The following SNTG1 variants were observed in gnomAD, a reference collection of about 807,000 sequenced individuals.
SNTG1 encodes the protein syntrophin gamma 1.
In SNTG1, 39 loss-of-function variants were observed where a neutral mutation model predicts 74.7. That is an observed-to-expected ratio of 0.52 (90% confidence interval 0.40 to 0.68). The LOEUF is 0.68. Ranked by LOEUF, SNTG1 falls within the 30% of genes least tolerant of loss-of-function variation. SNTG1 has a pLI of 0.00. For synonymous variants in SNTG1, 254 were observed against 217.1 expected (o/e 1.17, Z -1.49); for missense variants, 685 against 609.5 (o/e 1.12, Z -1.30).
chr8:49,928,182 A>AATAAATAT (rs1328680888), intron 1 of SNTG1, among the ~76,000 whole-genome samples: 7 of 142,810 alleles, frequency 4.9e-5, no homozygotes, highest in Admixed American at 2.8e-4. Flanking sequence ...TAAATAAATA[A>AATAAATAT]AAATAAAAAA....
At chr8:50,681,384 C>T (rs746532844) in intron 15 of SNTG1, among the ~76,000 whole-genome samples, 1 of 151,882 alleles carries the variant, frequency 6.6e-6, no homozygotes, top group Non-Finnish European at 1.5e-5. Context: ...TGAGATACAC[C>T]ATGCTCAATC....
chr8:49,924,344 A>G lies in SNTG1; in HGVS notation c.-103+12113A>G, dbSNP rs1175390743. ...CACTTGCTTTGCTGGCATTACCACAACTAAATTTCAATGTCAGGTGGTCAG... is the reference window on the plus strand; with the variant it reads ...CACTTGCTTTGCTGGCATTACCACAGCTAAATTTCAATGTCAGGTGGTCAG... On this transcript the variant is annotated intron_variant, in intron 1 of 18. Transcript: ENST00000642720. Among the ~76,000 whole-genome samples the G allele has an allele frequency of 2.0e-5, 3 of 152,232 alleles. No homozygotes were observed. The East Asian group carries it at 5.8e-4, about 29-fold the overall frequency.
chr8:50,693,499 A>T (rs1285042312), intron 15 of SNTG1, among the ~76,000 whole-genome samples: 1 of 152,206 alleles, frequency 6.6e-6, no homozygotes, highest in Non-Finnish European at 1.5e-5. Context: ...AAAGGACCTG[A>T]AAAGAGAAAT....
At chr8:50,330,467 G>T (rs769383691) in intron 2 of SNTG1, among the ~76,000 whole-genome samples, 50 of 152,130 alleles carry the variant, frequency 3.3e-4, no homozygotes, top group Non-Finnish European at 5.6e-4. Context: ...TCTCTAGAAA[G>T]TTTCAAACTT....
intron 2 of SNTG1, among the ~76,000 whole-genome samples, chr8:50,331,492 A>T (rs2090965954): frequency 1.3e-5 from 2 of 152,198 alleles, no homozygotes; most frequent in Admixed American, 6.5e-5. Context: ...CAAACAAGAG[A>T]AGAAATCCTG....
intron 2 of SNTG1, among the ~76,000 whole-genome samples, chr8:50,253,684 CACAT>C (rs1483207347): frequency 1.3e-5 from 2 of 151,406 alleles, no homozygotes; most frequent in Non-Finnish European, 2.9e-5. Context: ...TATACACACA[CACAT>C]ATATAAATAC....
At chr8:50,094,502 C>T (rs913259852) in intron 1 of SNTG1, among the ~76,000 whole-genome samples, 3 of 151,672 alleles carry the variant, frequency 2.0e-5, no homozygotes, top group Non-Finnish European at 4.4e-5. Context: ...AACAAACAAC[C>T]CTATTAAAAA....
Position 50,334,142 on chromosome 8 carries a change from C to T in SNTG1, c.-27-60070C>T, listed in dbSNP as rs181072467. ...GAACTCCTGACCTCAGGTATTCTGC[C>T]CTCCTCGGCCTCCCAAAGTGCCGGG... On this transcript the variant is annotated intron_variant, in intron 2 of 18. Transcript: ENST00000642720. Among the ~76,000 whole-genome samples the T allele has an allele frequency of 1.8e-3, 281 of 152,250 alleles. 2 individuals are homozygous for T. The highest frequency in any genetic ancestry group is 3.4e-3 in the Middle Eastern group (1 of 294).
chr8:50,487,696 A>C (rs868208860), intron 8 of SNTG1, among the ~76,000 whole-genome samples: 2,641 of 140,594 alleles, frequency 0.019, 98 homozygotes, highest in African/African-American at 0.068. Context: ...GTGGGGTCGG[A>C]GGGGGGGGAG....
At chr8:50,714,104 T>C (rs1284117300) in intron 17 of SNTG1, among the ~76,000 whole-genome samples, 1 of 151,758 alleles carries the variant, frequency 6.6e-6, no homozygotes, top group African/African-American at 2.4e-5. Context: ...CCTTTTCTTA[T>C]TGCTTGTTTT....
At chr8:50,248,093 G>A (rs180718019) in intron 2 of SNTG1, among the ~76,000 whole-genome samples, 22 of 152,164 alleles carry the variant, frequency 1.4e-4, no homozygotes, top group Admixed American at 1.4e-3. Flanking sequence ...AAAGACATCT[G>A]TCATATTGAA....
rs535446212 is a variant in SNTG1 at position 50,431,887 on chromosome 8, T to C, written c.163-6656T>C. The stretch of plus-strand genomic sequence containing the variant: ...TTTTTAATTGGGTTGTTTGTGTTCT[T>C]ACTGAGTGTTATGAGTTATTTGTAT... On this transcript the variant is annotated intron_variant, in intron 4 of 18. Transcript: ENST00000642720. Among the ~76,000 whole-genome samples the C allele has an allele frequency of 7.2e-5, 11 of 152,334 alleles. No individual in the cohort carries two copies. In the East Asian group the frequency reaches 2.1e-3, roughly 29 times the overall value.
intron 1 of SNTG1, among the ~76,000 whole-genome samples, chr8:50,153,585 C>T (rs568863346): frequency 7.2e-5 from 11 of 152,136 alleles, no homozygotes; most frequent in South Asian, 2.1e-4. Flanking sequence ...GGTTTTGGTG[C>T]GGATGTCCTT....
At chr8:50,588,051 C>T (rs1281011607) in intron 12 of SNTG1, among the ~76,000 whole-genome samples, 1 of 151,100 alleles carries the variant, frequency 6.6e-6, no homozygotes, top group Non-Finnish European at 1.5e-5. Flanking sequence ...ACCCAGGAAA[C>T]GGAGGCTGCA....
chr8:49,921,455 C>A (rs1418696259), intron 1 of SNTG1, among the ~76,000 whole-genome samples: 1 of 152,098 alleles, frequency 6.6e-6, no homozygotes, highest in Non-Finnish European at 1.5e-5. Flanking sequence ...TCCTCAAGAT[C>A]AAATCAAGGA....
At chr8:50,337,046 T>C (rs748274980) in intron 2 of SNTG1, among the ~76,000 whole-genome samples, 1 of 152,254 alleles carries the variant, frequency 6.6e-6, no homozygotes, top group Non-Finnish European at 1.5e-5. Flanking sequence ...AATGTATTGA[T>C]AGTCCCCCTG....
At chr8:50,396,907 T>C (rs1321472432) in intron 3 of SNTG1, among the ~76,000 whole-genome samples, 1 of 152,232 alleles carries the variant, frequency 6.6e-6, no homozygotes, top group Non-Finnish European at 1.5e-5. Flanking sequence ...AAATGTGAGA[T>C]TTGTTTAAAG....
At chr8:50,625,683 C>G (rs1423889642) in intron 13 of SNTG1, among the ~76,000 whole-genome samples, 2 of 152,178 alleles carry the variant, frequency 1.3e-5, no homozygotes, top group African/African-American at 4.8e-5. Flanking sequence ...TAAATCCCAT[C>G]ACTTTGTTTC....
intron 2 of SNTG1, among the ~76,000 whole-genome samples, chr8:50,204,623 G>A (rs1030075328): frequency 1.3e-5 from 2 of 152,010 alleles, no homozygotes; most frequent in African/African-American, 4.8e-5. Context: ...ACAACATGCA[G>A]GTTTGTTACA....
Sources: gnomAD v4.1 joint callset for allele counts (sites outside exome capture counted in the v4.1 genomes callset) on GRCh38, gnomAD v4.1.1 for gene constraint, MANE v1.5 for transcripts, NCBI Gene and HGNC (gene_info 2026-07-23, HGNC 2026-07-21) for gene names.